Variants in GALNT11 observed in about 807,000 individuals in gnomAD.
GALNT11 encodes the protein polypeptide N-acetylgalactosaminyltransferase 11.
Under a neutral mutation model 72.7 loss-of-function variants are expected in GALNT11, and 47 were observed. The observed-to-expected ratio is 0.65, with a 90% CI of 0.51 to 0.82. The LOEUF (loss-of-function observed/expected upper bound fraction) is 0.82, where lower values mean the gene tolerates loss of function less well. GALNT11 is among the 40% of genes least tolerant of loss of function. The probability of loss-of-function intolerance (pLI) is 0.00; values close to 1 mark genes in which losing one functional copy is unlikely to be tolerated. For missense variants in GALNT11, 677 were observed against 778.4 expected (o/e 0.87, Z 1.55); for synonymous variants, 270 against 286.6 (o/e 0.94, Z 0.58).
intron 1 of GALNT11, among the ~76,000 whole-genome samples, chr7:152,068,359 C>A (rs1374653875): frequency 6.6e-6 from 1 of 152,070 alleles, no homozygotes; most frequent in Non-Finnish European, 1.5e-5. Context: ...GATAGTTCTT[C>A]TTTTTGCTGA....
At chr7:152,084,354 G>A (rs1341097632) in intron 1 of GALNT11, among the ~76,000 whole-genome samples, 1 of 146,182 alleles carries the variant, frequency 6.8e-6, no homozygotes, top group Middle Eastern at 3.2e-3. Flanking sequence ...GTCTAGCCCG[G>A]GCAACAGAGG....
intron 1 of GALNT11, among the ~76,000 whole-genome samples, chr7:152,043,233 C>T (rs752679704): frequency 3.3e-5 from 5 of 152,166 alleles, no homozygotes; most frequent in African/African-American, 4.8e-5. Context: ...GTACTTGTAC[C>T]GCTTTTATAT....
At chr7:152,087,552 T>A (rs925165271) in intron 1 of GALNT11, among the ~76,000 whole-genome samples, 17 of 152,236 alleles carry the variant, frequency 1.1e-4, no homozygotes, top group Admixed American at 3.3e-4. Flanking sequence ...TGGGTGGTCA[T>A]GTCTACCATT....
chr7:152,075,794 C>T (rs2084923773), intron 1 of GALNT11, among the ~76,000 whole-genome samples: 2 of 138,096 alleles, frequency 1.4e-5, no homozygotes, highest in African/African-American at 3.1e-5. Context: ...AAAACTCTGT[C>T]TCAAAAAAAA....
intron 1 of GALNT11, among the ~76,000 whole-genome samples, chr7:152,084,618 T>TCA (rs1394348049): frequency 6.6e-6 from 1 of 152,188 alleles, no homozygotes; most frequent in African/African-American, 2.4e-5. Context: ...CTCTCCTTCT[T>TCA]CACAATAAGC....
At chr7:152,108,007 C>A (rs200874638) in intron 5 of GALNT11, 31 bp from the exon 6 acceptor site, 1 of 1,582,204 alleles carries the variant, frequency 6.3e-7, no homozygotes, top group Non-Finnish European at 8.6e-7. Flanking sequence ...TGTTGTGACA[C>A]TCTCCTGAGC....
intron 1 of GALNT11, among the ~76,000 whole-genome samples, chr7:152,046,529 C>T (rs2083134707): frequency 1.3e-5 from 2 of 152,122 alleles, no homozygotes; most frequent in African/African-American, 4.8e-5. Flanking sequence ...TCTTGCTGAA[C>T]TGAGTTCTTT....
intron 1 of GALNT11, chr7:152,075,187 G>A (rs1303267073): frequency 2.0e-5 from 3 of 152,284 alleles, no homozygotes; most frequent in Admixed American, 1.3e-4. Flanking sequence ...CCAGGTAAGC[G>A]GATCTCCTCT....
chr7:152,110,614 G>A lies in GALNT11; in HGVS notation c.1049G>A (p.Trp350Ter). 6.2e-7 allele frequency: 1 copy of A among 1,612,084 alleles called. No homozygotes were observed. Among genetic ancestry groups the A allele is most frequent in the Non-Finnish European group, 8.5e-7 (1 of 1,179,440 alleles). The change falls in exon 7 of 12, where the codon TGG (tryptophan) becomes TAG (stop). Residue 350 changes from tryptophan (W) to a stop codon, truncating the protein, a stop_gained. Transcript: ENST00000430044. LOFTEE classifies it high-confidence loss of function. ...CAGTATGATAGTGGCATGGATATCTGGGGAGGAGAAAATTTGGAAATATCA... is the reference window on the plus strand; with the variant it reads ...CAGTATGATAGTGGCATGGATATCTAGGGAGGAGAAAATTTGGAAATATCA... ...LGQYDSGMDI[W>*]GGENLEISFR...
intron 1 of GALNT11, among the ~76,000 whole-genome samples, chr7:152,068,453 T>A (rs2084441537): frequency 6.6e-6 from 1 of 152,230 alleles, no homozygotes; most frequent in Non-Finnish European, 1.5e-5. Context: ...TTTTGACGGT[T>A]ATAAATAAAG....
intron 9 of GALNT11, chr7:152,118,452 C>T (rs2089099318): frequency 2.2e-6 from 1 of 463,438 alleles, no homozygotes; most frequent in Non-Finnish European, 3.8e-6. Context: ...CTGACACTGT[C>T]TGCATGTTAA....
intron 1 of GALNT11, among the ~76,000 whole-genome samples, chr7:152,092,857 AT>A (rs2086129964): frequency 6.6e-6 from 1 of 152,178 alleles, no homozygotes; most frequent in Non-Finnish European, 1.5e-5. Flanking sequence ...TACTGAGATG[AT>A]TTTATATGTG....
At chr7:152,107,142 A>G (rs2087651448) in intron 5 of GALNT11, 1 of 152,018 alleles carries the variant, frequency 6.6e-6, no homozygotes, top group African/African-American at 2.4e-5. Context: ...ATCTTCATAC[A>G]TTTCACGAGT....
In GALNT11 at chr7:152,067,425, A is replaced by G. The variant is rs557264978; in HGVS notation, c.-38-26765A>G. Among the ~76,000 whole-genome samples, 423 of 152,280 alleles carry G rather than the reference A, an allele frequency of 2.8e-3. 1 individual carries two copies. Among genetic ancestry groups the G allele is most frequent in the African/African-American group, 9.7e-3 (405 of 41,560 alleles). The stretch of plus-strand genomic sequence containing the variant: ...AGTCTGTCCTGTTTACTATTTAGTC[A>G]TTTATTTCTCTCAGTTTGGATTTAG... On this transcript the variant is annotated intron_variant, in intron 1 of 11. Coordinates refer to ENST00000430044, the MANE Select transcript of GALNT11 (RefSeq NM_022087.4).
intron 1 of GALNT11, among the ~76,000 whole-genome samples, chr7:152,041,257 C>G (rs1337726136): frequency 6.6e-6 from 1 of 152,186 alleles, no homozygotes; most frequent in Admixed American, 6.5e-5. Flanking sequence ...TATCGGGTCT[C>G]TCCACCAAAC....
chr7:152,104,924 G>T (rs987869141), intron 4 of GALNT11: 9 of 164,846 alleles, frequency 5.5e-5, no homozygotes, highest in Non-Finnish European at 1.2e-4. Flanking sequence ...TTTATATATG[G>T]TCAGCTGAAC....
intron 2 of GALNT11, among the ~76,000 whole-genome samples, chr7:152,098,791 C>T (rs2086559126): frequency 6.6e-6 from 1 of 152,090 alleles, no homozygotes; most frequent in African/African-American, 2.4e-5. Context: ...GAGTTTCTCT[C>T]CTTGTATAAA....
intron 4 of GALNT11, chr7:152,103,801 A>G (rs1478764541): frequency 1.3e-5 from 2 of 154,042 alleles, no homozygotes; most frequent in African/African-American, 2.4e-5. Context: ...CCACGACTCT[A>G]TGATTTTGTT....
rs1486087630 is a variant in GALNT11 at position 152,094,771 on chromosome 7, A to G, written c.295+249A>G. 6.6e-6 allele frequency among the ~76,000 whole-genome samples: 1 copy of G among 152,210 alleles called. No homozygotes were observed. Among genetic ancestry groups the G allele is most frequent in the Non-Finnish European group, 1.5e-5 (1 of 68,036 alleles). ...TCCAGGGAAGAAAAATTAAAAGGCT[A>G]GAAAGAAAATGGAACCTATGGGAGA... On this transcript the variant is annotated intron_variant, in intron 2 of 11. Transcript: ENST00000430044. The surrounding 1 kb of genome is among the most constrained non-coding windows in gnomAD (Gnocchi z 4.3).
Sources: gnomAD v4.1 joint callset for allele counts (sites outside exome capture counted in the v4.1 genomes callset) on GRCh38, gnomAD v4.1.1 for gene constraint, Gnocchi (gnomAD v3.1) non-coding constraint, MANE v1.5 for transcripts, NCBI Gene and HGNC (gene_info 2026-07-23, HGNC 2026-07-21) for gene names.